The following TMEM132C variants were observed in gnomAD, a reference collection of about 807,000 sequenced individuals.
The protein encoded by TMEM132C is protein phosphatase 1, regulatory subunit 152.
Under a neutral mutation model 61.4 loss-of-function variants are expected in TMEM132C, and 29 were observed. The observed-to-expected ratio is 0.47, with a 90% CI of 0.35 to 0.64. The LOEUF is 0.64. Among genes scored for constraint, TMEM132C ranks in the 30% least tolerant of loss-of-function variants. The pLI is 0.00. For synonymous variants in TMEM132C, 656 were observed against 633.1 expected, an observed-to-expected ratio of 1.04 and a Z score of -0.54; for missense variants, 1,408 against 1,476.9, an observed-to-expected ratio of 0.95 and a Z score of 0.76.
At chr12:128,676,645 C>T (rs1338244974) in intron 5 of TMEM132C, among the ~76,000 whole-genome samples, 1 of 152,166 alleles carries the variant, frequency 6.6e-6, no homozygotes, top group Non-Finnish European at 1.5e-5. Flanking sequence ...CACAAACTGT[C>T]TTATTGGCAA....
At chr12:128,537,529 G>A (rs1873575171) in intron 2 of TMEM132C, among the ~76,000 whole-genome samples, 2 of 152,304 alleles carry the variant, frequency 1.3e-5, no homozygotes, top group South Asian at 4.1e-4. Context: ...TTTCTTGCAT[G>A]TAATTTAGAA....
chr12:128,311,797 T>A (rs1213962107), intron 1 of TMEM132C, among the ~76,000 whole-genome samples: 1 of 152,204 alleles, frequency 6.6e-6, no homozygotes, highest in Non-Finnish European at 1.5e-5. Context: ...AGGCCCCACC[T>A]CTTCCCCACG....
At chr12:128,367,570 G>T (rs902727658) in intron 1 of TMEM132C, among the ~76,000 whole-genome samples, 1 of 152,112 alleles carries the variant, frequency 6.6e-6, no homozygotes, top group African/African-American at 2.4e-5. Context: ...CCCCTAGCAA[G>T]CGCACAGAGA....
At chr12:128,447,705 C>CTTTTTTTTTTTTTTTT (rs767506039) in intron 2 of TMEM132C, among the ~76,000 whole-genome samples, 1 of 58,620 alleles carries the variant, frequency 1.7e-5, no homozygotes, top group African/African-American at 8.4e-5. Context: ...ATTTCAAGTG[C>CTTTTTTTTTTTTTTTT]TTTTTTTTTT....
At chr12:128,285,662 T>TCCCTCC (rs1871032197) in intron 1 of TMEM132C, among the ~76,000 whole-genome samples, 1 of 149,312 alleles carries the variant, frequency 6.7e-6, no homozygotes. Context: ...TCTCTCCCTC[T>TCCCTCC]CCCTCCCCTC....
chr12:128,611,220 A>G (rs565088954), intron 3 of TMEM132C, among the ~76,000 whole-genome samples: 3 of 152,202 alleles, frequency 2.0e-5, no homozygotes, highest in South Asian at 2.1e-4. Flanking sequence ...GAAGCCCACA[A>G]CGTGATTCCT....
intron 1 of TMEM132C, among the ~76,000 whole-genome samples, chr12:128,391,613 C>T (rs1056651691): frequency 6.6e-6 from 1 of 152,206 alleles, no homozygotes; most frequent in African/African-American, 2.4e-5. Flanking sequence ...TGACATAGTT[C>T]ATCCTTATGA....
chr12:128,671,767 C>G (rs1954534791), intron 5 of TMEM132C, among the ~76,000 whole-genome samples: 1 of 152,168 alleles, frequency 6.6e-6, no homozygotes, highest in Non-Finnish European at 1.5e-5. Context: ...CCAGCAACAT[C>G]CATATACTAT....
chr12:128,371,582 T>A (rs1379344452), intron 1 of TMEM132C, among the ~76,000 whole-genome samples: 3 of 152,222 alleles, frequency 2.0e-5, no homozygotes, highest in African/African-American at 7.2e-5. Context: ...TGTATGTATT[T>A]ATTCATTTTT....
rs534790622 is a variant in TMEM132C at position 128,578,700 on chromosome 12, C to T, written c.1121+34597C>T. On this transcript the variant is annotated intron_variant, in intron 3 of 8. Transcript: ENST00000435159. ...GCAATCTCCGCCTCCTGGGCTCAAG[C>T]GATTCTCTTGCCTCGGACTCCCAAG... Among the ~76,000 whole-genome samples the T allele has an allele frequency of 5.9e-5, 9 of 152,188 alleles. No homozygotes were observed. The South Asian group carries it at 1.0e-3, about 18-fold the overall frequency.
chr12:128,526,369 G>A (rs2136131688), intron 2 of TMEM132C, among the ~76,000 whole-genome samples: 1 of 152,300 alleles, frequency 6.6e-6, no homozygotes, highest in South Asian at 2.1e-4. Context: ...TGCCTTCTCT[G>A]TGTCTTCACG....
At chr12:128,431,913 G>A (rs888757995) in intron 2 of TMEM132C, among the ~76,000 whole-genome samples, 1 of 152,110 alleles carries the variant, frequency 6.6e-6, no homozygotes, top group African/African-American at 2.4e-5. Context: ...CTCCTTAGGA[G>A]CTAATGCAGC....
intron 1 of TMEM132C, among the ~76,000 whole-genome samples, chr12:128,275,860 T>C (rs1870671875): frequency 6.6e-6 from 1 of 152,160 alleles, no homozygotes; most frequent in East Asian, 1.9e-4. Flanking sequence ...TCCAAAATCA[T>C]ATGTTGTCAG....
Position 128,489,868 on chromosome 12 carries a change from CA to C in TMEM132C, c.975-54087del, listed in dbSNP as rs558923085. 3.7e-4 allele frequency among the ~76,000 whole-genome samples: 56 copies of C among 152,080 alleles called. 3 individuals are homozygous for C. The South Asian group carries it at 0.011, about 30-fold the overall frequency. On this transcript the variant is annotated intron_variant, in intron 2 of 8. Coordinates refer to ENST00000435159, the MANE Select transcript of TMEM132C (RefSeq NM_001136103.3). ...CAGGACAGTAGCTGGCATTTTTTTACAACATCCTGAAATATACTTTTCAAGC... is the reference window on the plus strand; with the variant it reads ...CAGGACAGTAGCTGGCATTTTTTTACACATCCTGAAATATACTTTTCAAGC...
At position 128,289,407 on chromosome 12, in the gene TMEM132C, G is replaced by A. The variant is rs566704527; in HGVS notation, c.85+21920G>A. On this transcript the variant is annotated intron_variant, in intron 1 of 8. Coordinates refer to ENST00000435159, the MANE Select transcript of TMEM132C (RefSeq NM_001136103.3). ...TTAAAAATGTCCCTAACTCCGTGGGGCACAGTCCTGTTAGTACATCTATTT... is the reference window on the plus strand; with the variant it reads ...TTAAAAATGTCCCTAACTCCGTGGGACACAGTCCTGTTAGTACATCTATTT... Among the ~76,000 whole-genome samples the A allele has an allele frequency of 2.4e-3, 364 of 152,316 alleles. 2 individuals are homozygous for A. Among genetic ancestry groups the A allele is most frequent in the Non-Finnish European group, 3.5e-3 (239 of 68,022 alleles).
At position 128,268,280 on chromosome 12, in the gene TMEM132C, C is replaced by T. The variant is rs572205026; in HGVS notation, c.85+793C>T. The stretch of plus-strand genomic sequence containing the variant: ...TAAAGGAGTTAACGTATGGCGCCCG[C>T]AGGGCTCACGAAAGGTAGCCGTGTG... On this transcript the variant is annotated intron_variant, in intron 1 of 8. Transcript: ENST00000435159. Among the ~76,000 whole-genome samples, 41 of 152,340 alleles carry T rather than the reference C, an allele frequency of 2.7e-4. No homozygotes were observed. The South Asian group carries it at 8.3e-3, about 31-fold the overall frequency.
intron 2 of TMEM132C, among the ~76,000 whole-genome samples, chr12:128,541,005 G>GTCTGTCTGTCTT (rs1565968035): frequency 7.8e-6 from 1 of 128,302 alleles, no homozygotes; most frequent in Non-Finnish European, 1.8e-5. Flanking sequence ...CTGTCTGTCT[G>GTCTGTCTGTCTT]TCTATCTTTC....
At chr12:128,697,886 G>A (rs1304439871) in intron 8 of TMEM132C, among the ~76,000 whole-genome samples, 4 of 152,102 alleles carry the variant, frequency 2.6e-5, no homozygotes, top group Non-Finnish European at 5.9e-5. Context: ...CTTCTTTAGG[G>A]GTTTTGCAAT....
At chr12:128,578,437 A>G (rs909256526) in intron 3 of TMEM132C, among the ~76,000 whole-genome samples, 5 of 152,130 alleles carry the variant, frequency 3.3e-5, no homozygotes, top group African/African-American at 1.2e-4. Flanking sequence ...CTGCCCACCA[A>G]TAACACCCTT....
Sources: gnomAD v4.1 joint callset for allele counts (sites outside exome capture counted in the v4.1 genomes callset) on GRCh38, gnomAD v4.1.1 for gene constraint, MANE v1.5 for transcripts, NCBI Gene and HGNC (gene_info 2026-07-23, HGNC 2026-07-21) for gene names.